NKAIN2: variants seen among roughly 807,000 people sequenced by gnomAD.
NKAIN2 encodes the protein sodium/potassium transporting ATPase interacting 2.
NKAIN2 carries 14 observed loss-of-function variants against 32.6 expected under a neutral mutation model. The ratio of observed to expected loss-of-function variants is 0.43; its 90% CI spans 0.28 to 0.67. The LOEUF is 0.67. NKAIN2 is among the 30% of genes least tolerant of loss of function. NKAIN2 has a pLI of 0.17. For synonymous variants in NKAIN2, 80 were observed against 87.2 expected (o/e 0.92, Z 0.46); for missense variants, 198 against 258.3 (o/e 0.77, Z 1.60).
chr6:124,032,908 C>T (rs1198750821), intron 1 of NKAIN2, among the ~76,000 whole-genome samples: 2 of 151,778 alleles, frequency 1.3e-5, no homozygotes, highest in African/African-American at 2.4e-5. Context: ...GCCTAATGTT[C>T]TGTTTTTATA....
At chr6:123,882,564 A>ATATTT (rs1773502759) in intron 1 of NKAIN2, among the ~76,000 whole-genome samples, 1 of 152,200 alleles carries the variant, frequency 6.6e-6, no homozygotes, top group Admixed American at 6.5e-5. Context: ...AATTGAATTT[A>ATATTT]TATTTTATTT....
intron 2 of NKAIN2, among the ~76,000 whole-genome samples, chr6:124,284,932 A>C (rs1795470062): frequency 6.6e-6 from 1 of 152,172 alleles, no homozygotes; most frequent in South Asian, 2.1e-4. Flanking sequence ...TGGGCTTTCT[A>C]TGTATCAAAT....
intron 1 of NKAIN2, among the ~76,000 whole-genome samples, chr6:124,201,640 T>A (rs1188916600): frequency 1.3e-5 from 2 of 151,992 alleles, no homozygotes; most frequent in Admixed American, 1.3e-4. Flanking sequence ...ACTCTCGTAA[T>A]TAAAACCTCA....
At chr6:124,180,330 T>G (rs1408788222) in intron 1 of NKAIN2, among the ~76,000 whole-genome samples, 1 of 152,152 alleles carries the variant, frequency 6.6e-6, no homozygotes, top group Admixed American at 6.5e-5. Flanking sequence ...AAGTCATGTC[T>G]TACATGGCAG....
At chr6:124,630,684 T>C (rs1562294363) in intron 3 of NKAIN2, among the ~76,000 whole-genome samples, 1 of 152,200 alleles carries the variant, frequency 6.6e-6, no homozygotes, top group Non-Finnish European at 1.5e-5. Context: ...GAAATATTTT[T>C]ACTCTTTTTT....
At chr6:124,149,861 C>G (rs1353789701) in intron 1 of NKAIN2, among the ~76,000 whole-genome samples, 7 of 152,070 alleles carry the variant, frequency 4.6e-5, no homozygotes, top group Admixed American at 2.0e-4. Context: ...AGACAGCAGC[C>G]CCTAGAAGCT....
chr6:124,530,956 G>T (rs1779504210), intron 3 of NKAIN2, among the ~76,000 whole-genome samples: 1 of 152,112 alleles, frequency 6.6e-6, no homozygotes, highest in Non-Finnish European at 1.5e-5. Context: ...TGTCCACGTT[G>T]GTACAGGCAG....
chr6:124,029,154 T>C (rs1227848989), intron 1 of NKAIN2, among the ~76,000 whole-genome samples: 1 of 151,700 alleles, frequency 6.6e-6, no homozygotes, highest in Admixed American at 6.6e-5. Flanking sequence ...TGTTTTAACT[T>C]TTATTAATTG....
intron 1 of NKAIN2, among the ~76,000 whole-genome samples, chr6:124,171,864 TGA>T (rs1235545254): frequency 9.4e-5 from 14 of 148,220 alleles, no homozygotes; most frequent in African/African-American, 2.5e-5. Context: ...TTTTTTTTTT[TGA>T]GAGAGAGTCT....
At position 124,079,920 on chromosome 6, in the gene NKAIN2, TG is replaced by T. The variant is rs71272325; in HGVS notation, c.55-203079del. On this transcript the variant is annotated intron_variant, in intron 1 of 6. Coordinates refer to ENST00000368417, the MANE Select transcript of NKAIN2 (RefSeq NM_001040214.3). ...GCAGAAAGGAAAGAAAGGGTGGGGT[TG>T]GGGGGTGGCATTTGGATGGAAAAAA... 2.8e-4 allele frequency among the ~76,000 whole-genome samples: 42 copies of T among 149,290 alleles called. No homozygotes were observed. The East Asian group carries it at 8.2e-3, about 29-fold the overall frequency.
intron 1 of NKAIN2, among the ~76,000 whole-genome samples, chr6:124,155,453 GA>G (rs982643755): frequency 1.3e-5 from 2 of 151,452 alleles, no homozygotes; most frequent in Non-Finnish European, 2.9e-5. Context: ...CAATTAAAAA[GA>G]AAAAAATTTA....
intron 1 of NKAIN2, among the ~76,000 whole-genome samples, chr6:123,820,661 G>A (rs1773886012): frequency 6.6e-6 from 1 of 152,168 alleles, no homozygotes; most frequent in African/African-American, 2.4e-5. Flanking sequence ...TACATCATGA[G>A]TGGAGATCAC....
At chr6:124,129,550 A>G (rs999604417) in intron 1 of NKAIN2, among the ~76,000 whole-genome samples, 1 of 152,058 alleles carries the variant, frequency 6.6e-6, no homozygotes, top group Non-Finnish European at 1.5e-5. Flanking sequence ...AGAGTTTGCT[A>G]CTCCAGAATT....
At chr6:124,305,032 G>A (rs1267286161) in intron 2 of NKAIN2, among the ~76,000 whole-genome samples, 3 of 152,138 alleles carry the variant, frequency 2.0e-5, no homozygotes, top group African/African-American at 4.8e-5. Context: ...AATCCGAGAT[G>A]ATGAAGGATT....
intron 2 of NKAIN2, among the ~76,000 whole-genome samples, chr6:124,336,899 C>T (rs776695924): frequency 2.0e-5 from 3 of 151,990 alleles, no homozygotes; most frequent in Admixed American, 6.6e-5. Context: ...TCTCGATCTT[C>T]TGACATTGTG....
At chr6:124,616,814 C>G (rs556092163) in intron 3 of NKAIN2, among the ~76,000 whole-genome samples, 1 of 152,032 alleles carries the variant, frequency 6.6e-6, no homozygotes, top group African/African-American at 2.4e-5. Flanking sequence ...ATTGAAGCCC[C>G]TTGCTTGCCA....
At chr6:124,812,739 T>G (rs956453047) in intron 5 of NKAIN2, among the ~76,000 whole-genome samples, 1 of 152,246 alleles carries the variant, frequency 6.6e-6, no homozygotes, top group African/African-American at 2.4e-5. Context: ...TGACCTTTTT[T>G]TTTTCTTTAA....
At chr6:123,877,788 C>T (rs944153329) in intron 1 of NKAIN2, among the ~76,000 whole-genome samples, 15 of 152,034 alleles carry the variant, frequency 9.9e-5, no homozygotes, top group African/African-American at 3.6e-4. Flanking sequence ...TGTAGTATGG[C>T]CTTTAAAACT....
chr6:124,769,012 C>A (rs568936001), intron 4 of NKAIN2, among the ~76,000 whole-genome samples: 2 of 152,290 alleles, frequency 1.3e-5, no homozygotes, highest in African/African-American at 4.8e-5. Context: ...GCAGAATGAA[C>A]AATCTATAGT....
Sources: gnomAD v4.1 joint callset for allele counts (sites outside exome capture counted in the v4.1 genomes callset) on GRCh38, gnomAD v4.1.1 for gene constraint, MANE v1.5 for transcripts, NCBI Gene and HGNC (gene_info 2026-07-23, HGNC 2026-07-21) for gene names.